POLN: variants seen among roughly 807,000 people sequenced by gnomAD.
The protein encoded by POLN is DNA polymerase nu, also known as DNA polymerase N.
POLN carries 108 observed loss-of-function variants against 113.5 expected under a neutral mutation model. The observed-to-expected ratio is 0.95, with a 90% CI of 0.81 to 1.12. POLN has a LOEUF of 1.12. POLN is among the 50% of genes most tolerant of loss of function. POLN has a pLI of 0.00. For missense variants in POLN, 1,097 were observed against 1,077.1 expected, an observed-to-expected ratio of 1.02 and a Z score of -0.26; for synonymous variants, 386 against 391.5, an observed-to-expected ratio of 0.99 and a Z score of 0.17.
intron 21 of POLN, among the ~76,000 whole-genome samples, chr4:2,083,546 C>G (rs1007780551): frequency 6.6e-6 from 1 of 152,244 alleles, no homozygotes; most frequent in Non-Finnish European, 1.5e-5. Flanking sequence ...TGACTCCATA[C>G]ATTTCAAACC....
intron 7 of POLN, among the ~76,000 whole-genome samples, chr4:2,188,317 C>T (rs1189913188): frequency 1.3e-5 from 2 of 152,052 alleles, no homozygotes; most frequent in Non-Finnish European, 2.9e-5. Flanking sequence ...GAAAAAAACA[C>T]GGGCCGGGCG....
chr4:2,122,981 A>T (rs1423803349), intron 19 of POLN, among the ~76,000 whole-genome samples: 1 of 151,076 alleles, frequency 6.6e-6, no homozygotes, highest in Non-Finnish European at 1.5e-5. Flanking sequence ...AGGAAGACAG[A>T]GCCTCTACCA....
At position 2,216,338 on chromosome 4, in the gene POLN, T is replaced by C. The variant is rs189454181; in HGVS notation, c.134-3212A>G. ...AAATACAGATTTCTAAGTGGGTCAC[T>C]GGGAGTGATGACTTTCACCTTTTGG... On this transcript the variant is annotated intron_variant, in intron 3 of 25. Transcript: ENST00000511885. Among the ~76,000 whole-genome samples, 140 of 152,328 alleles carry C rather than the reference T, an allele frequency of 9.2e-4. No individual in the cohort carries two copies. The Middle Eastern group carries it at 0.027, about 30-fold the overall frequency.
At position 2,201,497 on chromosome 4, in the gene POLN, CAAAGAAAAAAGAA is replaced by C. The variant is rs1226518822; in HGVS notation, c.715-2793_715-2781del. On this transcript the variant is annotated intron_variant, in intron 5 of 25. Transcript: ENST00000511885. The stretch of plus-strand genomic sequence containing the variant: ...TCAAATTAACCCAATCCAACAAAGA[CAAAGAAAAAAGAA>C]AAAGAAAACATGAACAAAGCCTCCA... Among the ~76,000 whole-genome samples, 4 of 151,122 alleles carry C rather than the reference CAAAGAAAAAAGAA, an allele frequency of 2.6e-5. No individual in the cohort carries two copies. The East Asian group carries it at 5.8e-4, about 22-fold the overall frequency.
chr4:2,154,198 C>CAAAAAAA (rs58879582), intron 16 of POLN, among the ~76,000 whole-genome samples: 1 of 63,922 alleles, frequency 1.6e-5, no homozygotes, highest in Non-Finnish European at 2.5e-5. Context: ...TCCATCTCAA[C>CAAAAAAA]AAAAAAAAAA....
chr4:2,084,038 G>C (rs902023387), intron 21 of POLN, among the ~76,000 whole-genome samples: 1 of 152,198 alleles, frequency 6.6e-6, no homozygotes, highest in Non-Finnish European at 1.5e-5. Context: ...GGCCAGAGAG[G>C]CATCTGAGAT....
chr4:2,084,254 C>A (rs1254962443), intron 21 of POLN, among the ~76,000 whole-genome samples: 2 of 152,240 alleles, frequency 1.3e-5, no homozygotes, highest in African/African-American at 4.8e-5. Context: ...CATGGAGTGT[C>A]ACGTATGGTC....
Position 2,213,732 on chromosome 4 carries a change from A to G in POLN, c.134-606T>C, listed in dbSNP as rs1734046233. ...TATAAAAACATTATACTTAGGATAA[A>G]TATAACAAAAAAGATACAAGGCCCT... On this transcript the variant is annotated intron_variant, in intron 3 of 25. Transcript: ENST00000511885. 2.6e-5 allele frequency among the ~76,000 whole-genome samples: 4 copies of G among 152,198 alleles called. No individual in the cohort carries two copies. In the South Asian group the frequency reaches 8.3e-4, roughly 31 times the overall value.
rs573416492 is a variant in POLN at position 2,104,921 on chromosome 4, T to C, written c.1983-8988A>G. On this transcript the variant is annotated intron_variant, in intron 19 of 25. Coordinates refer to ENST00000511885, the MANE Select transcript of POLN (RefSeq NM_181808.4). ...CTATCAGGGTGGCAGGGAATCAGAC[T>C]GGCTCCCTTCAGAAGCGTGCACAGG... 3.1e-3 allele frequency among the ~76,000 whole-genome samples: 471 copies of C among 152,340 alleles called. 4 individuals carry two copies. The highest frequency in any genetic ancestry group is 0.01 in the African/African-American group (424 of 41,572).
intron 20 of POLN, chr4:2,090,196 TC>T: frequency 1.1e-6 from 1 of 890,856 alleles, no homozygotes; most frequent in Non-Finnish European, 1.7e-6. Flanking sequence ...CCTTTTGCTA[TC>T]TTTCCTGTAG....
At chr4:2,101,697 T>C (rs1333308579) in intron 19 of POLN, among the ~76,000 whole-genome samples, 1 of 152,262 alleles carries the variant, frequency 6.6e-6, no homozygotes, top group Non-Finnish European at 1.5e-5. Context: ...ACAATGGCGT[T>C]AGGCCTAGGC....
At chr4:2,094,999 G>C (rs768150341) in intron 20 of POLN, among the ~76,000 whole-genome samples, 2 of 152,174 alleles carry the variant, frequency 1.3e-5, no homozygotes, top group African/African-American at 2.4e-5. Context: ...ACAGGGAAAA[G>C]GAGGTCTGAA....
rs1433451047 is a variant in POLN at position 2,171,090 on chromosome 4, A to T, written c.1458+8T>A. The T allele has an allele frequency of 1.6e-5, 26 of 1,603,088 alleles. No individual in the cohort carries two copies. The highest frequency in any genetic ancestry group is 2.0e-5 in the Non-Finnish European group (24 of 1,175,376). ...ACATTTTATGAAAGAACCAAAATTCAGCTTTACCTCTCGAAGCTGGTTATT... is the reference window on the plus strand; with the variant it reads ...ACATTTTATGAAAGAACCAAAATTCTGCTTTACCTCTCGAAGCTGGTTATT... On this transcript the variant is annotated splice_region_variant and intron_variant, in intron 12 of 25. Transcript: ENST00000511885.
chr4:2,202,833 A>G (rs192534924), intron 5 of POLN, among the ~76,000 whole-genome samples: 49 of 152,210 alleles, frequency 3.2e-4, no homozygotes, highest in African/African-American at 1.1e-3. Flanking sequence ...CCTAACGCTG[A>G]AGTGCCCAAA....
intron 17 of POLN, among the ~76,000 whole-genome samples, chr4:2,130,228 A>ATG (rs1345727267): frequency 2.6e-4 from 38 of 147,270 alleles, no homozygotes; most frequent in Non-Finnish European, 4.7e-4. Context: ...CCTGGGCAAC[A>ATG]GAGCGAGACT....
chr4:2,174,031 A>T lies in POLN; in HGVS notation c.1310-12T>A. 6.2e-7 allele frequency: 1 copy of T among 1,613,598 alleles called. No individual in the cohort carries two copies. The highest frequency in any genetic ancestry group is 8.5e-7 in the Non-Finnish European group (1 of 1,179,556). The stretch of plus-strand genomic sequence containing the variant: ...ATGGCTTTCCATCACTGTGATTCGA[A>T]ACCCAAACCAGATCATATTTGCATT... On this transcript the variant is annotated splice_polypyrimidine_tract_variant and intron_variant, in intron 10 of 25. Transcript: ENST00000511885.
At chr4:2,184,791 T>C (rs1442706241) in intron 7 of POLN, among the ~76,000 whole-genome samples, 2 of 152,230 alleles carry the variant, frequency 1.3e-5, no homozygotes, top group African/African-American at 4.8e-5. Context: ...TTACTAGGTT[T>C]GTATGACAAA....
At chr4:2,185,353 C>T (rs1733244058) in intron 7 of POLN, among the ~76,000 whole-genome samples, 1 of 152,194 alleles carries the variant, frequency 6.6e-6, no homozygotes, top group African/African-American at 2.4e-5. Context: ...GTGAGAAATT[C>T]TACAGGACAA....
intron 7 of POLN, among the ~76,000 whole-genome samples, chr4:2,186,587 A>G (rs1733279829): frequency 6.6e-6 from 1 of 152,222 alleles, no homozygotes; most frequent in Admixed American, 6.5e-5. Context: ...GCAAAAACAA[A>G]AAGATATTTA....
Sources: gnomAD v4.1 joint callset for allele counts (sites outside exome capture counted in the v4.1 genomes callset) on GRCh38, gnomAD v4.1.1 for gene constraint, MANE v1.5 for transcripts, NCBI Gene and HGNC (gene_info 2026-07-23, HGNC 2026-07-21) for gene names.